WNT7A: variants seen among roughly 807,000 people sequenced by gnomAD.
WNT7A encodes protein Wnt-7a.
WNT7A carries 16 observed loss-of-function variants against 28.2 expected under a neutral mutation model. That is an observed-to-expected ratio of 0.57 (90% CI 0.38 to 0.86). The LOEUF is 0.86. WNT7A is among the 40% of genes least tolerant of loss of function. The probability of loss-of-function intolerance (pLI) is 0.00; values close to 1 mark genes in which losing one functional copy is unlikely to be tolerated. For synonymous variants in WNT7A, 190 were observed against 195.9 expected, an observed-to-expected ratio of 0.97 and a Z score of 0.25; for missense variants, 411 against 489.7, an observed-to-expected ratio of 0.84 and a Z score of 1.52.
chr3:13,837,518 A>T (rs1318744116), intron 3 of WNT7A, among the ~76,000 whole-genome samples: 1 of 148,850 alleles, frequency 6.7e-6, no homozygotes, highest in Admixed American at 6.8e-5. Context: ...GGAGACACCC[A>T]GCAAGCATTT....
In WNT7A at chr3:13,818,299, AC is replaced by A. The variant is rs1694045027; in HGVS notation, c.*644del. 1 of 147,718 alleles carries A rather than the reference AC, an allele frequency of 6.8e-6. No individual in the cohort carries two copies. The highest frequency in any genetic ancestry group is 6.9e-5 in the Admixed American group (1 of 14,576). The allele number at this position is 147,718 out of a possible 1,614,324, so 9.2% of individuals were successfully genotyped here. A position where few individuals can be genotyped will look rare whatever the true frequency, so the allele number is the denominator to read the frequency against. Reference sequence around the variant, plus strand: ...GGATGGAAAACATACTCTGGAAAAAACGTCTCCAAATCTGGACCAGCTTAAA... The same window carrying A: ...GGATGGAAAACATACTCTGGAAAAAAGTCTCCAAATCTGGACCAGCTTAAA... On this transcript the variant is annotated 3_prime_UTR_variant, in exon 4 of 4. Coordinates refer to ENST00000285018, the MANE Select transcript of WNT7A (RefSeq NM_004625.4).
chr3:13,860,154 T>C (rs1457244576), intron 2 of WNT7A, among the ~76,000 whole-genome samples: 1 of 152,154 alleles, frequency 6.6e-6, no homozygotes, highest in Non-Finnish European at 1.5e-5. Flanking sequence ...TCTGTGAAGG[T>C]GTTTCACAAC....
intron 2 of WNT7A, among the ~76,000 whole-genome samples, chr3:13,870,899 G>T (rs115659623): frequency 2.0e-3 from 306 of 152,330 alleles, no homozygotes; most frequent in African/African-American, 7.1e-3. Context: ...CACCAGAGGT[G>T]GCTTGAATTG....
intron 2 of WNT7A, among the ~76,000 whole-genome samples, chr3:13,871,713 T>A (rs1203867897): frequency 6.6e-6 from 1 of 151,950 alleles, no homozygotes. Context: ...CACCATCACC[T>A]CCTTCCTGGA....
At chr3:13,875,203 A>G (rs1470333844) in intron 1 of WNT7A, 30 bp from the exon 2 acceptor site, 1 of 1,612,050 alleles carries the variant, frequency 6.2e-7, no homozygotes, top group Non-Finnish European at 8.5e-7. Context: ...GAGATGGAGC[A>G]TTAGGCCAGC....
chr3:13,824,866 G>A (rs1694167944), intron 3 of WNT7A, among the ~76,000 whole-genome samples: 1 of 152,126 alleles, frequency 6.6e-6, no homozygotes, highest in South Asian at 2.1e-4. Flanking sequence ...ATATCCAAAG[G>A]CCAAAAGAAT....
Position 13,875,114 on chromosome 3 carries a change from A to C in WNT7A, c.131T>G (p.Leu44Arg). Residue 44 changes from leucine (L) to arginine (R), a missense_variant, in exon 2 of 4, where the codon CTG becomes CGG. Leu to Arg is a moderately radical substitution (Grantham distance 102). Coordinates refer to ENST00000285018, the MANE Select transcript of WNT7A (RefSeq NM_004625.4). ...GCAGATCGCCCGCTGTCTGGGAGCC[A>C]GGCCTGGGATCTTGTTACAGATGAT... ...ASIICNKIPG[L>R]APRQRAICQS... is the part of the protein sequence containing the mutation. 1 of 1,614,138 alleles carries C rather than the reference A, an allele frequency of 6.2e-7. No individual in the cohort carries two copies. Among genetic ancestry groups the C allele is most frequent in the South Asian group, 1.1e-5 (1 of 91,078 alleles).
At chr3:13,845,726 G>A (rs1443995309) in intron 3 of WNT7A, among the ~76,000 whole-genome samples, 2 of 152,204 alleles carry the variant, frequency 1.3e-5, no homozygotes. Context: ...GATGCACCCA[G>A]CCCTACTGCC....
chr3:13,874,592 T>A (rs12497175), intron 2 of WNT7A, among the ~76,000 whole-genome samples: 71,975 of 151,928 alleles, frequency 0.47, 18,256 homozygotes, highest in East Asian at 0.76. Flanking sequence ...AAATTAAGAG[T>A]AGATCTGCCA....
intron 2 of WNT7A, among the ~76,000 whole-genome samples, chr3:13,864,302 C>A (rs1422014641): frequency 1.3e-5 from 2 of 152,156 alleles, no homozygotes; most frequent in African/African-American, 2.4e-5. Context: ...TCCCAAAACC[C>A]TGCAGGATGC....
intron 2 of WNT7A, among the ~76,000 whole-genome samples, chr3:13,861,595 C>G (rs1694832251): frequency 6.6e-6 from 1 of 152,132 alleles, no homozygotes; most frequent in Non-Finnish European, 1.5e-5. Flanking sequence ...TCATGAGGCT[C>G]TCTAGGGGCA....
intron 3 of WNT7A, 90 bp from the exon 4 acceptor site, chr3:13,819,513 G>A: frequency 7.4e-7 from 1 of 1,359,474 alleles, no homozygotes; most frequent in Non-Finnish European, 9.4e-7. Flanking sequence ...CCCCACCCCT[G>A]CCCCACCTAT....
At chr3:13,871,437 G>GCT (rs1285928099) in intron 2 of WNT7A, among the ~76,000 whole-genome samples, 5 of 152,028 alleles carry the variant, frequency 3.3e-5, no homozygotes, top group Non-Finnish European at 5.9e-5. Flanking sequence ...GACTCTCAGG[G>GCT]CTCTCATCTT....
At chr3:13,876,122 T>C (rs1240525786) in intron 1 of WNT7A, among the ~76,000 whole-genome samples, 1 of 152,134 alleles carries the variant, frequency 6.6e-6, no homozygotes, top group Non-Finnish European at 1.5e-5. Flanking sequence ...AGGACTTCCT[T>C]GAGGAGTTGA....
intron 3 of WNT7A, among the ~76,000 whole-genome samples, chr3:13,849,316 C>T (rs1019150334): frequency 6.6e-6 from 1 of 152,166 alleles, no homozygotes; most frequent in Non-Finnish European, 1.5e-5. Context: ...AAACCACAAA[C>T]TTGGTTAAAT....
At chr3:13,871,243 A>G (rs2124876940) in intron 2 of WNT7A, among the ~76,000 whole-genome samples, 1 of 152,326 alleles carries the variant, frequency 6.6e-6, no homozygotes, top group East Asian at 1.9e-4. Context: ...ACAGCTCCAA[A>G]GGCCAGATTT....
intron 3 of WNT7A, among the ~76,000 whole-genome samples, chr3:13,837,319 T>C (rs1383540770): frequency 3.3e-5 from 5 of 152,080 alleles, no homozygotes; most frequent in African/African-American, 1.2e-4. Context: ...AAAGCCACCC[T>C]GGATGGCCCC....
In WNT7A at chr3:13,852,005, A is replaced by T. The variant is rs73019632; in HGVS notation, c.570+2527T>A. The stretch of plus-strand genomic sequence containing the variant: ...ACGAGACAATGAGGGAAAGGAGGGG[A>T]TGCCCTGCAGCTTCCTTGCGGTGTT... On this transcript the variant is annotated intron_variant, in intron 3 of 3. Transcript: ENST00000285018. Among the ~76,000 whole-genome samples the T allele has an allele frequency of 1.2e-3, 190 of 152,368 alleles. 1 individual carries two copies. Among genetic ancestry groups the T allele is most frequent in the Non-Finnish European group, 2.1e-3 (146 of 68,038 alleles).
rs1324529732 is a variant in WNT7A, at chr3:13,816,339, A to C, written c.*2605T>G. 1 of 152,224 alleles carries C rather than the reference A, an allele frequency of 6.6e-6. No individual in the cohort carries two copies. The highest frequency in any genetic ancestry group is 1.5e-5 in the Non-Finnish European group (1 of 68,048). 9.4% of individuals were successfully genotyped at this position (152,224 alleles called of 1,614,324 possible). ...ACAACAGCCCTGTGAGGTAGGTGTT[A>C]TTCTGATTTCACAGGTGGAGAAACT... is the stretch of plus-strand genomic sequence containing the variant. On this transcript the variant is annotated 3_prime_UTR_variant, in exon 4 of 4. Coordinates refer to ENST00000285018, the MANE Select transcript of WNT7A (RefSeq NM_004625.4).
Sources: allele counts gnomAD v4.1 joint callset (sites outside exome capture counted in the v4.1 genomes callset), GRCh38; gene constraint gnomAD v4.1.1; transcripts MANE v1.5; gene names NCBI Gene and HGNC (gene_info 2026-07-23, HGNC 2026-07-21).